The following RLN2 variants were observed in gnomAD, a reference collection of about 807,000 sequenced individuals.
The protein encoded by RLN2 is relaxin 2.
Under a neutral mutation model 7.3 loss-of-function variants are expected in RLN2, and 10 were observed. That is an observed-to-expected ratio of 1.36 (90% CI 0.84 to 2.31). The LOEUF is 2.31. Ranked by LOEUF, RLN2 falls within the 30% of genes most tolerant of loss-of-function variation. RLN2 has a pLI of 0.00. For missense variants in RLN2, 298 were observed against 217.6 expected, an observed-to-expected ratio of 1.37 and a Z score of -2.32; for synonymous variants, 103 against 82.3, an observed-to-expected ratio of 1.25 and a Z score of -1.36.
upstream of RLN2, among the ~76,000 whole-genome samples, chr9:5,307,476 G>A (rs960381225): frequency 6.6e-6 from 1 of 151,862 alleles, no homozygotes; most frequent in African/African-American, 2.4e-5. Flanking sequence ...TATACTAGAT[G>A]GTTTACCACA....
the RLN2 span, chr9:5,311,406 T>C: frequency 3.9e-6 from 2 of 513,052 alleles, no homozygotes; most frequent in Admixed American, 3.2e-5. Flanking sequence ...ACATTCTTAA[T>C]ACAAGAATAC....
At position 5,304,487 on chromosome 9, in the gene RLN2, T is replaced by G. The variant is rs753212261; in HGVS notation, c.94A>C (p.Ile32Leu). ...AVADSWMEEV[I>L]KLCGRELVRA... ...ACTAATTCGCGGCCGCATAATTTAA[T>G]AACTTCCTCCATCCATGAGTCCGCG... The change falls in exon 1 of 2, where the codon ATT becomes CTT. Residue 32 changes from isoleucine to leucine, a missense_variant. Transcript: ENST00000381627. The G allele has an allele frequency of 9.3e-6, 15 of 1,613,768 alleles. No individual in the cohort carries two copies. The East Asian group carries it at 3.3e-4, about 36-fold the overall frequency.
At chr9:5,332,273 G>A in the RLN2 span, among the ~76,000 whole-genome samples, 1 of 151,900 alleles carries the variant, frequency 6.6e-6, no homozygotes, top group Admixed American at 6.6e-5. Context: ...AAGTAGACTG[G>A]CTTTCATTTT....
the RLN2 span, among the ~76,000 whole-genome samples, chr9:5,330,162 T>C: frequency 6.6e-6 from 1 of 151,984 alleles, no homozygotes; most frequent in African/African-American, 2.4e-5. Flanking sequence ...GAATGACTAC[T>C]GGGTAAGTAA....
the RLN2 span, among the ~76,000 whole-genome samples, chr9:5,332,142 T>C: frequency 6.6e-6 from 1 of 152,044 alleles, no homozygotes; most frequent in Non-Finnish European, 1.5e-5. Context: ...TGTGTGGAAA[T>C]GAAATTATTT....
At position 5,301,320 on chromosome 9, in the gene RLN2, A is replaced by G. The variant is rs189919516; in HGVS notation, c.212-876T>C. 7.6e-4 allele frequency among the ~76,000 whole-genome samples: 115 copies of G among 152,304 alleles called. 1 individual carries two copies. The highest frequency in any genetic ancestry group is 3.4e-3 in the Middle Eastern group (1 of 294). On this transcript the variant is annotated intron_variant, in intron 1 of 1. Transcript: ENST00000381627. ...GGAACCTGCTGGACACCCAGCTGAC[A>G]TCTTCCTCCATCTTTGCACCCATTC...
the RLN2 span, among the ~76,000 whole-genome samples, chr9:5,321,854 G>C: frequency 6.6e-6 from 1 of 152,168 alleles, no homozygotes; most frequent in South Asian, 2.1e-4. Flanking sequence ...GCTGCCCTTG[G>C]TGTCAGCTGT....
the RLN2 span, among the ~76,000 whole-genome samples, chr9:5,316,912 T>C: frequency 1.3e-5 from 2 of 152,170 alleles, no homozygotes; most frequent in Admixed American, 6.5e-5. Flanking sequence ...ATACATAATG[T>C]AAAAATATGT....
the RLN2 span, among the ~76,000 whole-genome samples, chr9:5,332,080 C>T: frequency 6.6e-6 from 1 of 151,692 alleles, no homozygotes; most frequent in South Asian, 2.1e-4. Flanking sequence ...TTAGTGTATA[C>T]TCATATATTG....
intron 1 of RLN2, among the ~76,000 whole-genome samples, chr9:5,302,500 A>G (rs7873166): frequency 0.19 from 28,151 of 152,120 alleles, 2,646 homozygotes; most frequent in South Asian, 0.22. Context: ...TACTTCCAAA[A>G]CGATTCCTAC....
chr9:5,307,278 TAG>T (rs1491033479), upstream of RLN2, among the ~76,000 whole-genome samples: 2 of 56,604 alleles, frequency 3.5e-5, no homozygotes, highest in Non-Finnish European at 7.0e-5. Context: ...AGAGGATAGA[TAG>T]ATAGATAGAT....
the RLN2 span, among the ~76,000 whole-genome samples, chr9:5,313,949 T>C: frequency 3.9e-5 from 6 of 152,076 alleles, no homozygotes; most frequent in East Asian, 1.9e-4. Context: ...TCAGGATCAG[T>C]TGGAACCAGG....
At chr9:5,333,892 C>T in the RLN2 span, among the ~76,000 whole-genome samples, 49 of 152,054 alleles carry the variant, frequency 3.2e-4, no homozygotes, top group African/African-American at 5.8e-4. Context: ...TGTGATTCAT[C>T]GCATAAACAG....
the RLN2 span, among the ~76,000 whole-genome samples, chr9:5,321,921 C>A: frequency 6.6e-6 from 1 of 152,058 alleles, no homozygotes; most frequent in African/African-American, 2.4e-5. Flanking sequence ...AGCTTTGAGG[C>A]AGCCCTGAGA....
the RLN2 span, among the ~76,000 whole-genome samples, chr9:5,327,560 C>G: frequency 6.6e-6 from 1 of 152,058 alleles, no homozygotes; most frequent in Non-Finnish European, 1.5e-5. Flanking sequence ...GTGGTTCTCT[C>G]AGCACGGCAT....
the RLN2 span, among the ~76,000 whole-genome samples, chr9:5,318,486 T>C: frequency 4.1e-4 from 63 of 152,010 alleles, no homozygotes; most frequent in Non-Finnish European, 3.4e-4. Flanking sequence ...ATGGTAAGTG[T>C]AAATAATTCT....
At chr9:5,322,370 T>A in the RLN2 span, among the ~76,000 whole-genome samples, 2 of 152,016 alleles carry the variant, frequency 1.3e-5, no homozygotes, top group South Asian at 4.2e-4. Flanking sequence ...AGAAGCAATA[T>A]GCTTTTAATC....
At chr9:5,330,637 C>CAAAAAA in the RLN2 span, among the ~76,000 whole-genome samples, 3 of 74,732 alleles carry the variant, frequency 4.0e-5, no homozygotes, top group Non-Finnish European at 7.5e-5. Flanking sequence ...GACTCCATCT[C>CAAAAAA]AAAAAAAAAA....
At chr9:5,316,650 T>C in the RLN2 span, among the ~76,000 whole-genome samples, 6 of 152,116 alleles carry the variant, frequency 3.9e-5, no homozygotes, top group African/African-American at 1.4e-4. Flanking sequence ...TGCATAGTAT[T>C]CCATGGTGTA....
Sources: gnomAD v4.1 joint callset for allele counts (sites outside exome capture counted in the v4.1 genomes callset) on GRCh38, gnomAD v4.1.1 for gene constraint, MANE v1.5 for transcripts, NCBI Gene and HGNC (gene_info 2026-07-23, HGNC 2026-07-21) for gene names.